The following FER1L6 variants were observed in gnomAD, a reference collection of about 807,000 sequenced individuals.
The protein encoded by FER1L6 is fer-1 like family member 6.
Under a neutral mutation model 219.2 loss-of-function variants are expected in FER1L6, and 177 were observed. That is an observed-to-expected ratio of 0.81 (90% CI 0.71 to 0.91). The LOEUF is 0.91. Ranked by LOEUF, FER1L6 falls within the 40% of genes least tolerant of loss-of-function variation. FER1L6 has a pLI of 0.00. For synonymous variants in FER1L6, 768 were observed against 824.3 expected, an observed-to-expected ratio of 0.93 and a Z score of 1.17; for missense variants, 2,153 against 2,259.9, an observed-to-expected ratio of 0.95 and a Z score of 0.96.
chr8:123,951,507 A>G (rs1355716844), intron 1 of FER1L6, among the ~76,000 whole-genome samples: 1 of 152,172 alleles, frequency 6.6e-6, no homozygotes, highest in East Asian at 1.9e-4. Flanking sequence ...GCCGTTAATG[A>G]ATATATCCCA....
chr8:123,993,490 T>A (rs1227220593), intron 12 of FER1L6, among the ~76,000 whole-genome samples: 1 of 152,052 alleles, frequency 6.6e-6, no homozygotes, highest in Non-Finnish European at 1.5e-5. Flanking sequence ...ACCAAATGTT[T>A]ATTTGATGAG....
At chr8:124,076,965 C>T (rs13254489) in intron 32 of FER1L6, among the ~76,000 whole-genome samples, 1 of 152,210 alleles carries the variant, frequency 6.6e-6, no homozygotes, top group African/African-American at 2.4e-5. Context: ...TGTAAGGGGA[C>T]TAGGCATTCA....
At chr8:124,017,814 G>T in intron 16 of FER1L6, 96 bp downstream of exon 16, 3 of 921,732 alleles carry the variant, frequency 3.3e-6, no homozygotes, top group Non-Finnish European at 5.0e-6. Flanking sequence ...GAGGTTTAAA[G>T]GTCATACATT....
intron 12 of FER1L6, among the ~76,000 whole-genome samples, chr8:123,987,814 A>G (rs937025622): frequency 5.6e-4 from 85 of 152,272 alleles, no homozygotes; most frequent in African/African-American, 1.2e-3. Flanking sequence ...ATACTTTTGT[A>G]AAAAATGAGT....
At chr8:123,935,191 A>G (rs1224126848) in intron 1 of FER1L6, among the ~76,000 whole-genome samples, 1 of 151,758 alleles carries the variant, frequency 6.6e-6, no homozygotes, top group Non-Finnish European at 1.5e-5. Flanking sequence ...TTCCTTTCCA[A>G]CCCCCTTTCC....
At chr8:123,859,245 C>T (rs1050827789) in intron 1 of FER1L6, among the ~76,000 whole-genome samples, 4 of 152,194 alleles carry the variant, frequency 2.6e-5, no homozygotes, top group Admixed American at 2.6e-4. Flanking sequence ...AAGCAGTCTG[C>T]CTGCCTTGGC....
chr8:124,089,505 T>G (rs1821931080), intron 33 of FER1L6, among the ~76,000 whole-genome samples: 1 of 152,238 alleles, frequency 6.6e-6, no homozygotes, highest in Admixed American at 6.5e-5. Flanking sequence ...TGTGTATAAT[T>G]TCAATTTGGT....
intron 1 of FER1L6, among the ~76,000 whole-genome samples, chr8:123,929,232 C>A (rs1387611865): frequency 6.6e-6 from 1 of 152,142 alleles, no homozygotes; most frequent in Non-Finnish European, 1.5e-5. Context: ...CTACTCTGCC[C>A]CATGCACATG....
intron 1 of FER1L6, among the ~76,000 whole-genome samples, chr8:123,911,083 T>C (rs1563681612): frequency 6.6e-6 from 1 of 152,142 alleles, no homozygotes; most frequent in Non-Finnish European, 1.5e-5. Context: ...ATGATGATCA[T>C]TGGGCAGGAG....
At chr8:124,010,529 T>C (rs1233264357) in intron 13 of FER1L6, 65 bp from the exon 14 acceptor site, 1 of 1,590,676 alleles carries the variant, frequency 6.3e-7, no homozygotes, top group Non-Finnish European at 8.6e-7. Context: ...AACATTAACG[T>C]GTGACTGGGG....
At chr8:123,896,650 A>G (rs974308827) in intron 1 of FER1L6, among the ~76,000 whole-genome samples, 11 of 151,978 alleles carry the variant, frequency 7.2e-5, no homozygotes, top group African/African-American at 1.9e-4. Context: ...GCTTTAGAGT[A>G]TTTGTTCTTC....
At chr8:123,872,747 C>A in intron 1 of FER1L6, among the ~76,000 whole-genome samples, 1 of 152,138 alleles carries the variant, frequency 6.6e-6, no homozygotes, top group Non-Finnish European at 1.5e-5. Context: ...TCCCATTTAG[C>A]ATTTTCTCAT....
chr8:123,932,261 A>T (rs1813800473), intron 1 of FER1L6, among the ~76,000 whole-genome samples: 1 of 152,034 alleles, frequency 6.6e-6, no homozygotes, highest in African/African-American at 2.4e-5. Context: ...GGTGCACACC[A>T]CCACACCCAG....
chr8:123,892,222 T>C (rs907857714), intron 1 of FER1L6, among the ~76,000 whole-genome samples: 2 of 152,176 alleles, frequency 1.3e-5, no homozygotes, highest in African/African-American at 4.8e-5. Flanking sequence ...AACATTTTCA[T>C]GTAAGAGATA....
At chr8:124,040,560 T>G (rs1819440905) in intron 20 of FER1L6, 1 of 159,712 alleles carries the variant, frequency 6.3e-6, no homozygotes, top group Non-Finnish European at 1.4e-5. Flanking sequence ...TTAATCCATT[T>G]AGCATTGCTT....
intron 17 of FER1L6, among the ~76,000 whole-genome samples, chr8:124,022,831 G>C (rs975956196): frequency 1.3e-5 from 2 of 149,772 alleles, no homozygotes; most frequent in Non-Finnish European, 3.0e-5. Flanking sequence ...AGAAAAGTAG[G>C]CTACCAAAGA....
At chr8:123,874,060 T>C (rs1816965074) in intron 1 of FER1L6, among the ~76,000 whole-genome samples, 1 of 152,240 alleles carries the variant, frequency 6.6e-6, no homozygotes, top group Non-Finnish European at 1.5e-5. Flanking sequence ...TGTATTCACC[T>C]GGCCAAATTC....
At chr8:123,956,114 A>AGTC in intron 2 of FER1L6, 40 bp downstream of exon 2, 6 of 1,543,980 alleles carry the variant, frequency 3.9e-6, no homozygotes, top group Non-Finnish European at 5.3e-6. Flanking sequence ...GGGGCCTGAG[A>AGTC]GTCTCGCAGA....
intron 23 of FER1L6, 48 bp from the exon 24 acceptor site, chr8:124,060,500 G>C (rs1255634555): frequency 1.2e-6 from 2 of 1,604,768 alleles, no homozygotes; most frequent in Non-Finnish European, 1.7e-6. Context: ...GCAGGTGTGG[G>C]GCTCCTCCGT....
Sources: gnomAD v4.1 joint callset for allele counts (sites outside exome capture counted in the v4.1 genomes callset) on GRCh38, gnomAD v4.1.1 for gene constraint, MANE v1.5 for transcripts, NCBI Gene and HGNC (gene_info 2026-07-23, HGNC 2026-07-21) for gene names.